TMEM101: variants seen among roughly 807,000 people sequenced by gnomAD.
TMEM101 encodes the protein transmembrane protein 101, also known as putative NF-kappa-B-activating protein 130.
Under a neutral mutation model 26.0 loss-of-function variants are expected in TMEM101, and 14 were observed. That is an observed-to-expected ratio of 0.54 (90% CI 0.36 to 0.84). The LOEUF (loss-of-function observed/expected upper bound fraction) is 0.84, where lower values mean the gene tolerates loss of function less well. Among genes scored for constraint, TMEM101 ranks in the 40% least tolerant of loss-of-function variants. TMEM101 has a pLI of 0.01. For synonymous variants in TMEM101, 152 were observed against 145.1 expected, an observed-to-expected ratio of 1.05 and a Z score of -0.34; for missense variants, 292 against 345.1, an observed-to-expected ratio of 0.85 and a Z score of 1.22.
intron 1 of TMEM101, among the ~76,000 whole-genome samples, chr17:44,022,714 GA>G (rs149433966): frequency 0.012 from 1,897 of 152,294 alleles, 36 homozygotes; most frequent in African/African-American, 0.043. Flanking sequence ...TGGCCACGGG[GA>G]AGAACTGGGG....
chr17:44,020,276 C>A (rs1424992908), intron 2 of TMEM101, among the ~76,000 whole-genome samples: 2 of 152,158 alleles, frequency 1.3e-5, no homozygotes, highest in Non-Finnish European at 2.9e-5. Context: ...CTGTAGGATT[C>A]GCATACCTAG....
chr17:44,019,051 C>A (rs1016281889), upstream of TMEM101, among the ~76,000 whole-genome samples: 1 of 152,178 alleles, frequency 6.6e-6, no homozygotes, highest in South Asian at 2.1e-4. Flanking sequence ...GTTCCTCCTA[C>A]CCCTGCCTAG....
rs1403998380 is a variant in TMEM101 at position 44,014,385 on chromosome 17, C to A, written c.290G>T (p.Gly97Val). ...CAGCCAGTCCCCGTAGTGGACGTAG[C>A]CCCCGATGTAGGCGGCGTAGGTGCT... Reference protein sequence around the residue: ...AISTYAAYIGGYVHYGDWLKV... With the variant: ...AISTYAAYIGVYVHYGDWLKV... Residue 97 changes from glycine to valine, a missense_variant, in exon 2 of 4, where the codon GGC becomes GTC. Transcript: ENST00000206380. 1 of 1,554,144 alleles carries A rather than the reference C, an allele frequency of 6.4e-7. No individual in the cohort carries two copies. The highest frequency in any genetic ancestry group is 2.4e-5 in the East Asian group (1 of 41,184).
Position 44,013,129 on chromosome 17 carries a change from G to A in TMEM101, c.345C>T (p.Ala115=). 2 of 1,605,980 alleles carry A rather than the reference G, an allele frequency of 1.2e-6. No homozygotes were observed. Among genetic ancestry groups the A allele is most frequent in the Non-Finnish European group, 1.7e-6 (2 of 1,174,232 alleles). ...CCAACACAAGAAAGCCGCCGATGAT[G>A]GCAACTGTGCGCGAGTACATACGGA... is the stretch of plus-strand genomic sequence containing the variant. ...LKVRMYSRTV[A]IIGGFLVLAS... Residue 115 remains alanine (A), a synonymous_variant, in exon 3 of 4, where the codon GCC becomes GCT. Coordinates refer to ENST00000206380, the MANE Select transcript of TMEM101 (RefSeq NM_032376.4).
chr17:44,015,224 G>A, upstream of TMEM101: 1 of 330,920 alleles, frequency 3.0e-6, no homozygotes, highest in Non-Finnish European at 5.6e-6. Context: ...TTGGACCGTA[G>A]TATGATGTAT....
At chr17:44,016,075 A>C (rs2049227101), upstream of TMEM101, among the ~76,000 whole-genome samples, 1 of 151,910 alleles carries the variant, frequency 6.6e-6, no homozygotes, top group South Asian at 2.1e-4. Flanking sequence ...CTTCCTTTGA[A>C]TCACTTGGCA....
At chr17:44,015,067 G>A (rs1046057515), upstream of TMEM101, 30 of 1,417,402 alleles carry the variant, frequency 2.1e-5, no homozygotes, top group African/African-American at 3.4e-4. Context: ...AAACAACGGT[G>A]TCATTCTCTA....
Position 44,012,685 on chromosome 17 carries a change from C to T in TMEM101, c.465+324G>A, listed in dbSNP as rs1177378497. 3 of 414,578 alleles carry T rather than the reference C, an allele frequency of 7.2e-6. No individual in the cohort carries two copies. The East Asian group carries it at 1.0e-4, about 14-fold the overall frequency. The allele number at this position is 414,578 out of a possible 1,614,324, so 25.7% of individuals were successfully genotyped here. On this transcript the variant is annotated intron_variant, in intron 3 of 3. Transcript: ENST00000206380. ...AGAGTCCCAGCTGGGGCCTGACCCC[C>T]ACCAAACCTCTCCTTTATCCCCTTC...
chr17:44,011,960 C>T lies in TMEM101; in HGVS notation c.742G>A (p.Gly248Arg), dbSNP rs1465631258. 28 of 1,612,814 alleles carry T rather than the reference C, an allele frequency of 1.7e-5. No individual in the cohort carries two copies. The highest frequency in any genetic ancestry group is 2.2e-5 in the Non-Finnish European group (26 of 1,178,976). The change falls in exon 4 of 4, where the codon GGA (glycine) becomes AGA (arginine). Residue 248 changes from glycine to arginine, a missense_variant. Transcript: ENST00000206380. ...KLLGESVGIF[G>R]TAVILATDG ...TCAGTGGCCAGGATGACAGCAGTTC[C>T]GAAGATGCCCACACTCTCTCCAAGG...
chr17:44,019,245 T>A, upstream of TMEM101: 1 of 388,802 alleles, frequency 2.6e-6, no homozygotes, highest in South Asian at 1.9e-5. Context: ...CACCAGACTA[T>A]GGAGGATTCA....
chr17:44,015,300 T>C (rs1463918638), upstream of TMEM101: 1 of 196,904 alleles, frequency 5.1e-6, no homozygotes, highest in Non-Finnish European at 1.0e-5. Flanking sequence ...CCCTGTGTGA[T>C]TCTGGGCACA....
upstream of TMEM101, among the ~76,000 whole-genome samples, chr17:44,016,334 G>A (rs571452740): frequency 3.9e-5 from 6 of 151,964 alleles, no homozygotes; most frequent in African/African-American, 1.2e-4. Context: ...CACCACACCC[G>A]GCTAATTTTT....
chr17:44,020,214 GAATT>G (rs1269513082), intron 2 of TMEM101, among the ~76,000 whole-genome samples: 1 of 152,148 alleles, frequency 6.6e-6, no homozygotes, highest in Non-Finnish European at 1.5e-5. Context: ...ATGGTGAATG[GAATT>G]AATGGCCACC....
At chr17:44,019,640 C>G (rs1304694763), upstream of TMEM101, among the ~76,000 whole-genome samples, 1 of 152,210 alleles carries the variant, frequency 6.6e-6, no homozygotes, top group Non-Finnish European at 1.5e-5. Context: ...TGTTCCGGGA[C>G]TTGGTGACCA....
At chr17:44,015,232 T>G, upstream of TMEM101, 1 of 304,030 alleles carries the variant, frequency 3.3e-6, no homozygotes, top group Non-Finnish European at 6.2e-6. Flanking sequence ...TAGTATGATG[T>G]ATTGAAGCAA....
upstream of TMEM101, among the ~76,000 whole-genome samples, chr17:44,015,857 CCT>C (rs1312553595): frequency 6.6e-6 from 1 of 152,030 alleles, no homozygotes; most frequent in Non-Finnish European, 1.5e-5. Flanking sequence ...TTGCCTGTGC[CCT>C]GAGAGAAAAA....
Position 44,012,025 on chromosome 17 carries a change from T to G in TMEM101, c.677A>C (p.His226Pro), listed in dbSNP as rs1328520784. 5 of 1,613,992 alleles carry G rather than the reference T, an allele frequency of 3.1e-6. No individual in the cohort carries two copies. In the African/African-American group the frequency reaches 6.7e-5, roughly 22 times the overall value. Reference protein sequence around the residue: ...LLIDGNVAYWHNTRRVEFWNQ... With the variant: ...LLIDGNVAYWPNTRRVEFWNQ... Reference sequence around the variant, plus strand: ...CCAGAACTCAACACGCCGCGTGTTGTGCCAGTAAGCAACATTGCCATCAAT... The same window carrying G: ...CCAGAACTCAACACGCCGCGTGTTGGGCCAGTAAGCAACATTGCCATCAAT... The change falls in exon 4 of 4, where the codon CAC becomes CCC. Residue 226 changes from histidine to proline, a missense_variant. Around this residue, in one of 2 missense-constraint regions of TMEM101, gnomAD observed 149 missense variants for 211.9 expected, o/e 0.70. Coordinates refer to ENST00000206380, the MANE Select transcript of TMEM101 (RefSeq NM_032376.4).
At chr17:44,017,780 T>A (rs1207374901), upstream of TMEM101, among the ~76,000 whole-genome samples, 3 of 140,300 alleles carry the variant, frequency 2.1e-5, no homozygotes, top group African/African-American at 5.0e-5. Context: ...AAAAAAAAAA[T>A]TCCCAACCAG....
intron 3 of TMEM101, chr17:44,012,540 G>T: frequency 2.4e-6 from 1 of 419,688 alleles, no homozygotes; most frequent in Non-Finnish European, 4.2e-6. Context: ...GATATACTCG[G>T]TAATTAAGAT....
Sources: gnomAD v4.1 joint callset for allele counts (sites outside exome capture counted in the v4.1 genomes callset) on GRCh38, gnomAD v4.1.1 for gene constraint, gnomAD v4.1.1 regional missense constraint, MANE v1.5 for transcripts, NCBI Gene and HGNC (gene_info 2026-07-23, HGNC 2026-07-21) for gene names.